The following THSD1 variants were observed in gnomAD, a reference collection of about 807,000 sequenced individuals.
THSD1 encodes thrombospondin type-1 domain-containing protein 1.
THSD1 carries 34 observed loss-of-function variants against 46.3 expected under a neutral mutation model. The observed-to-expected ratio is 0.74, with a 90% CI of 0.56 to 0.98. The LOEUF (loss-of-function observed/expected upper bound fraction) is 0.98. Among genes scored for constraint, THSD1 ranks in the 50% least tolerant of loss-of-function variants. The probability of loss-of-function intolerance (pLI) is 0.00; values close to 1 mark genes in which losing one functional copy is unlikely to be tolerated. For synonymous variants in THSD1, 407 were observed against 416.5 expected, an observed-to-expected ratio of 0.98 and a Z score of 0.28; for missense variants, 1,023 against 1,058.3, an observed-to-expected ratio of 0.97 and a Z score of 0.46.
intron 3 of THSD1, among the ~76,000 whole-genome samples, chr13:52,386,558 C>T (rs552925960): frequency 6.6e-6 from 1 of 152,236 alleles, no homozygotes; most frequent in East Asian, 1.9e-4. Context: ...TAATGAACTG[C>T]CAAAAGCCTA....
chr13:52,384,205 AAG>A (rs1434201108), intron 4 of THSD1: 11 of 299,200 alleles, frequency 3.7e-5, no homozygotes, highest in South Asian at 2.0e-4. Flanking sequence ...AAAAAAAAAG[AAG>A]AAGAAGATGC....
intron 4 of THSD1, among the ~76,000 whole-genome samples, chr13:52,379,370 G>A (rs1226516616): frequency 6.6e-6 from 1 of 152,116 alleles, no homozygotes. Flanking sequence ...GAAGCGAGGT[G>A]ACCTGGTAAG....
chr13:52,381,123 C>T (rs1049573442), intron 4 of THSD1, among the ~76,000 whole-genome samples: 7 of 152,182 alleles, frequency 4.6e-5, no homozygotes, highest in African/African-American at 1.7e-4. Context: ...CTCCAGCCCT[C>T]CATTTTCTCC....
chr13:52,404,744 A>C (rs1029004525), intron 1 of THSD1, among the ~76,000 whole-genome samples: 1 of 152,196 alleles, frequency 6.6e-6, no homozygotes, highest in East Asian at 1.9e-4. Context: ...CAAGCTCCCA[A>C]AAGTTGAACT....
intron 4 of THSD1, among the ~76,000 whole-genome samples, chr13:52,382,456 T>C (rs1470162462): frequency 6.6e-6 from 1 of 152,134 alleles, no homozygotes; most frequent in Non-Finnish European, 1.5e-5. Context: ...TACAACCAGA[T>C]AGAGATACCA....
intron 3 of THSD1, among the ~76,000 whole-genome samples, chr13:52,389,245 G>C (rs1260402371): frequency 6.6e-6 from 1 of 152,112 alleles, no homozygotes; most frequent in African/African-American, 2.4e-5. Context: ...TTACAGGTGT[G>C]AGCCATGGCG....
chr13:52,378,363 T>C lies in THSD1; in HGVS notation c.1607A>G (p.Gln536Arg). ...ACCTTTCTTTTTCATCTCCTTTAAC[T>C]GCTGCTGGGCAAGGCGGTAGCTGAA... ...PLFSYRLAQQ[Q>R]LKEMKKKGLT... is the part of the protein sequence containing the mutation. Residue 536 changes from glutamine to arginine, a missense_variant, in exon 5 of 5, where the codon CAG becomes CGG. By Grantham distance (43) the Gln-to-Arg change is conservative. This residue lies in a region of THSD1 where 578 missense variants were observed against 497.4 expected (regional missense o/e 1.16). Transcript: ENST00000258613. The C allele has an allele frequency of 6.2e-7, 1 of 1,614,102 alleles. No individual in the cohort carries two copies.
At chr13:52,394,368 C>T (rs942375007) in intron 3 of THSD1, among the ~76,000 whole-genome samples, 16 of 152,238 alleles carry the variant, frequency 1.1e-4, no homozygotes, top group Middle Eastern at 3.4e-3. Context: ...AATCCCAGCA[C>T]TTTGGGAGGC....
Position 52,378,172 on chromosome 13 carries a change from C to G in THSD1, c.1798G>C (p.Gly600Arg), listed in dbSNP as rs1398925895. ...PFPEQPAVSA[G>R]ERPPSRLDLN... ...TCCAGCCTGGAGGGAGGCCTTTCCC[C>G]GGCACTGACCGCGGGCTGCTCCGGA... is the stretch of plus-strand genomic sequence containing the variant. Residue 600 changes from glycine to arginine, a missense_variant, in exon 5 of 5, where the codon GGG becomes CGG. By Grantham distance (125) the Gly-to-Arg change is moderately radical. Transcript: ENST00000258613. The G allele has an allele frequency of 5.6e-6, 9 of 1,614,166 alleles. No individual in the cohort carries two copies. Among genetic ancestry groups the G allele is most frequent in the Non-Finnish European group, 6.8e-6 (8 of 1,180,024 alleles).
At chr13:52,381,518 G>C (rs1158969655) in intron 4 of THSD1, among the ~76,000 whole-genome samples, 4 of 152,114 alleles carry the variant, frequency 2.6e-5, no homozygotes, top group Non-Finnish European at 4.4e-5. Flanking sequence ...CAAAATAGAA[G>C]CCATCAGGCA....
intron 3 of THSD1, among the ~76,000 whole-genome samples, chr13:52,390,811 G>A (rs1957767631): frequency 6.6e-6 from 1 of 151,998 alleles, no homozygotes; most frequent in Non-Finnish European, 1.5e-5. Flanking sequence ...AGAATCTTTT[G>A]TTGTTCCTTC....
At chr13:52,391,251 C>T (rs905336680) in intron 3 of THSD1, among the ~76,000 whole-genome samples, 12 of 151,422 alleles carry the variant, frequency 7.9e-5, no homozygotes, top group African/African-American at 2.4e-4. Flanking sequence ...ATGTCTCACT[C>T]TGCTGCCAAG....
intron 1 of THSD1, among the ~76,000 whole-genome samples, chr13:52,403,867 A>G: frequency 6.6e-6 from 1 of 152,048 alleles, no homozygotes; most frequent in Non-Finnish European, 1.5e-5. Flanking sequence ...GAGTCTAGCA[A>G]ACTATGTATT....
chr13:52,401,666 A>T (rs959792730), intron 2 of THSD1, among the ~76,000 whole-genome samples: 2 of 152,228 alleles, frequency 1.3e-5, no homozygotes, highest in Non-Finnish European at 2.9e-5. Flanking sequence ...TGTATAAATA[A>T]ACTTCTTAAA....
chr13:52,392,062 G>A (rs1047048195), intron 3 of THSD1, among the ~76,000 whole-genome samples: 8 of 151,316 alleles, frequency 5.3e-5, no homozygotes, highest in Non-Finnish European at 1.2e-4. Context: ...CGTGGTGGCG[G>A]GCGCCTGTAG....
At position 52,397,722 on chromosome 13, in the gene THSD1, C is replaced by T; in HGVS notation, c.531G>A (p.Glu177=). ...VDVIFTNSLP[E]ARRNSRQPLE... ...GCGGCTGTCTTGAATTTCTTCTTGC[C>T]TCAGGAAGACTGTTGGTGAAGATGA... The change falls in exon 3 of 5, where the codon GAG becomes GAA. Residue 177 remains glutamate, a synonymous_variant. Transcript: ENST00000258613. 1 of 1,614,214 alleles carries T rather than the reference C, an allele frequency of 6.2e-7. No homozygotes were observed. Among genetic ancestry groups the T allele is most frequent in the Non-Finnish European group, 8.5e-7 (1 of 1,180,046 alleles).
At chr13:52,402,394 C>G in intron 2 of THSD1, 149 bp downstream of exon 2, 1 of 475,168 alleles carries the variant, frequency 2.1e-6, no homozygotes, top group Non-Finnish European at 3.6e-6. Flanking sequence ...TAAGAGAACC[C>G]AGGGTTGCAA....
chr13:52,393,269 CAGTT>C (rs911349686), intron 3 of THSD1, among the ~76,000 whole-genome samples: 7 of 152,244 alleles, frequency 4.6e-5, no homozygotes, highest in East Asian at 1.9e-4. Flanking sequence ...ATCCATAAAA[CAGTT>C]AGAACAGTGC....
chr13:52,378,463 GC>G lies in THSD1; in HGVS notation c.1506del (p.Pro503ArgfsTer21). 2.5e-6 allele frequency: 4 copies of G among 1,614,162 alleles called. No individual in the cohort carries two copies. The stretch of plus-strand genomic sequence containing the variant: ...GAGGCATCATCCTCGGGAGGTACCG[GC>G]CCGCTCCGCCTGTAGGTCAGAGGGA... ...TGIPLTYRRS[G>X]PVPPEDDASG... On this transcript the variant is annotated frameshift_variant, in exon 5 of 5. Coordinates refer to ENST00000258613, the MANE Select transcript of THSD1 (RefSeq NM_018676.4). LOFTEE classifies it high-confidence loss of function.
Sources: gnomAD v4.1 joint callset for allele counts (sites outside exome capture counted in the v4.1 genomes callset) on GRCh38, gnomAD v4.1.1 for gene constraint, gnomAD v4.1.1 regional missense constraint, MANE v1.5 for transcripts, NCBI Gene and HGNC (gene_info 2026-07-23, HGNC 2026-07-21) for gene names.